CNOT10: variants seen among roughly 807,000 people sequenced by gnomAD.
The protein encoded by CNOT10 is CCR4-NOT transcription complex, subunit 10.
In CNOT10, 30 loss-of-function variants were observed where a neutral mutation model predicts 94.6. The observed-to-expected ratio is 0.32, with a 90% CI of 0.24 to 0.43. The LOEUF (loss-of-function observed/expected upper bound fraction) is 0.43, where lower values mean the gene tolerates loss of function less well. Ranked by LOEUF, CNOT10 falls within the 20% of genes least tolerant of loss-of-function variation. The probability of loss-of-function intolerance (pLI) is 1.00; values close to 1 mark genes in which losing one functional copy is unlikely to be tolerated. For synonymous variants in CNOT10, 289 were observed against 301.6 expected (o/e 0.96, Z 0.43); for missense variants, 759 against 877.2 (o/e 0.87, Z 1.70).
chr3:32,738,092 C>A (rs1699275359), intron 13 of CNOT10, among the ~76,000 whole-genome samples: 1 of 152,156 alleles, frequency 6.6e-6, no homozygotes, highest in Non-Finnish European at 1.5e-5. Context: ...AGAAGTGCTT[C>A]ATCTTCCTCT....
intron 1 of CNOT10, chr3:32,695,919 G>A (rs1289253338): frequency 1.0e-6 from 1 of 985,378 alleles, no homozygotes; most frequent in Non-Finnish European, 1.5e-6. Context: ...CAGAAAACTC[G>A]AGAAATGTAC....
chr3:32,753,156 G>T, intron 13 of CNOT10: 2 of 614,992 alleles, frequency 3.3e-6, no homozygotes, highest in South Asian at 3.0e-5. Context: ...ACTATGTTGA[G>T]AAAAGGAACA....
At position 32,762,638 on chromosome 3, in the gene CNOT10, C is replaced by A. The variant is rs1255417525; in HGVS notation, c.1710-95C>A. 2.2e-5 allele frequency: 28 copies of A among 1,268,270 alleles called. No homozygotes were observed. The East Asian group carries it at 6.8e-4, about 31-fold the overall frequency. 78.6% of individuals were successfully genotyped at this position (1,268,270 alleles called of 1,614,324 possible). Reference sequence around the variant, plus strand: ...GGACATGAAATATGAGACCTATATCCAATGTATAATAACATAATATACCCA... The same window carrying A: ...GGACATGAAATATGAGACCTATATCAAATGTATAATAACATAATATACCCA... On this transcript the variant is annotated intron_variant, in intron 14 of 18. Coordinates refer to ENST00000328834, the MANE Select transcript of CNOT10 (RefSeq NM_015442.3).
intron 1 of CNOT10, among the ~76,000 whole-genome samples, chr3:32,693,677 G>A (rs1696937927): frequency 6.6e-6 from 1 of 151,852 alleles, no homozygotes. Flanking sequence ...AAGTAGCTGG[G>A]ACTATAGGCA....
chr3:32,690,894 T>TA (rs879828452), intron 1 of CNOT10, among the ~76,000 whole-genome samples: 1 of 151,954 alleles, frequency 6.6e-6, no homozygotes, highest in Admixed American at 6.6e-5. Flanking sequence ...TTCAAACACC[T>TA]AAAAAATTTA....
chr3:32,724,814 C>T (rs1341232790), intron 8 of CNOT10, among the ~76,000 whole-genome samples: 1 of 152,198 alleles, frequency 6.6e-6, no homozygotes, highest in Non-Finnish European at 1.5e-5. Context: ...CCGCCTCAGC[C>T]TCCCAAAGTG....
In CNOT10 at chr3:32,733,408, A is replaced by T. The variant is rs762175270; in HGVS notation, c.1216-15A>T. The T allele has an allele frequency of 6.5e-7, 1 of 1,543,672 alleles. No individual in the cohort carries two copies. Among genetic ancestry groups the T allele is most frequent in the Non-Finnish European group, 8.8e-7 (1 of 1,138,096 alleles). On this transcript the variant is annotated splice_polypyrimidine_tract_variant and intron_variant, in intron 10 of 18. Transcript: ENST00000328834. ...AATTCCCTTAAATTTATTGGAAATTATTTGTATTTTGTAGACTTCTGAACA... is the reference window on the plus strand; with the variant it reads ...AATTCCCTTAAATTTATTGGAAATTTTTTGTATTTTGTAGACTTCTGAACA...
intron 2 of CNOT10, among the ~76,000 whole-genome samples, chr3:32,704,470 T>C (rs74638813): frequency 0.039 from 5,983 of 152,236 alleles, 186 homozygotes; most frequent in African/African-American, 0.079. Context: ...AAAATATATT[T>C]ACTAGAAAAT....
At chr3:32,714,644 G>A (rs1210321768) in intron 5 of CNOT10, among the ~76,000 whole-genome samples, 3 of 152,188 alleles carry the variant, frequency 2.0e-5, no homozygotes, top group Non-Finnish European at 4.4e-5. Flanking sequence ...GGGAGGCGGA[G>A]ATTGCAGTGA....
At chr3:32,731,669 G>A (rs1207060396) in intron 10 of CNOT10, among the ~76,000 whole-genome samples, 2 of 152,076 alleles carry the variant, frequency 1.3e-5, no homozygotes, top group African/African-American at 4.8e-5. Flanking sequence ...TAGAGGTGGA[G>A]TTTCACCACA....
chr3:32,687,439 G>GTTTTTTTTTTTTTTTTTTTTTT (rs201119069), intron 1 of CNOT10, among the ~76,000 whole-genome samples: 3 of 51,312 alleles, frequency 5.8e-5, no homozygotes, highest in African/African-American at 7.3e-5. Context: ...AGTCCTCACG[G>GTTTTTTTTTTTTTTTTTTTTTT]TTTTTTTTTT....
rs929547150 is a variant in CNOT10, at chr3:32,685,347, C to A, written c.-114C>A. On this transcript the variant is annotated 5_prime_UTR_variant, in exon 1 of 19. Coordinates refer to ENST00000328834, the MANE Select transcript of CNOT10 (RefSeq NM_015442.3). Reference sequence around the variant, plus strand: ...ACTCCTCTAGCCGGAACCTGGGGGCCCGGAGCCGGGGTAGGCACAGAGTTG... The same window carrying A: ...ACTCCTCTAGCCGGAACCTGGGGGCACGGAGCCGGGGTAGGCACAGAGTTG... 7.7e-7 allele frequency: 1 copy of A among 1,305,222 alleles called. No individual in the cohort carries two copies. The highest frequency in any genetic ancestry group is 2.0e-5 in the Admixed American group (1 of 48,848). The allele number at this position is 1,305,222 out of a possible 1,614,324, so 80.9% of individuals were successfully genotyped here.
At chr3:32,702,361 T>A (rs551561771) in intron 1 of CNOT10, among the ~76,000 whole-genome samples, 1 of 109,468 alleles carries the variant, frequency 9.1e-6, no homozygotes, top group South Asian at 3.6e-4. Context: ...CAGCTGAGAT[T>A]TTTACCTTTA....
chr3:32,701,934 A>AG (rs1390031852), intron 1 of CNOT10, among the ~76,000 whole-genome samples: 1 of 152,018 alleles, frequency 6.6e-6, no homozygotes, highest in Non-Finnish European at 1.5e-5. Flanking sequence ...CTGGGACTAC[A>AG]GGTGCCCGCC....
At chr3:32,733,947 G>T (rs1699067896) in intron 11 of CNOT10, among the ~76,000 whole-genome samples, 1 of 152,148 alleles carries the variant, frequency 6.6e-6, no homozygotes, top group Non-Finnish European at 1.5e-5. Context: ...GAGAAAAAAG[G>T]TGTATTAAAA....
chr3:32,764,285 C>T lies in CNOT10; in HGVS notation c.1841-170C>T, dbSNP rs373733266. On this transcript the variant is annotated intron_variant, in intron 15 of 18. Coordinates refer to ENST00000328834, the MANE Select transcript of CNOT10 (RefSeq NM_015442.3). Reference sequence around the variant, plus strand: ...CCAGGAGGCGGAGGTTGCAGTGAGCCGAGATCATGCCCCTGCACTCCAGCC... The same window carrying T: ...CCAGGAGGCGGAGGTTGCAGTGAGCTGAGATCATGCCCCTGCACTCCAGCC... 21 of 606,704 alleles carry T rather than the reference C, an allele frequency of 3.5e-5. No homozygotes were observed. In the African/African-American group the frequency reaches 3.7e-4, roughly 11 times the overall value. The allele number at this position is 606,704 out of a possible 1,614,324, so 37.6% of individuals were successfully genotyped here.
At chr3:32,743,500 G>A (rs1699563677) in intron 13 of CNOT10, among the ~76,000 whole-genome samples, 1 of 152,018 alleles carries the variant, frequency 6.6e-6, no homozygotes, top group Non-Finnish European at 1.5e-5. Flanking sequence ...TGGGCATGGT[G>A]GCACACACCT....
intron 13 of CNOT10, among the ~76,000 whole-genome samples, chr3:32,748,540 T>C (rs953186033): frequency 1.3e-5 from 2 of 152,128 alleles, no homozygotes; most frequent in Non-Finnish European, 2.9e-5. Context: ...AGAGATGGAG[T>C]CTCACTCTGT....
At position 32,703,896 on chromosome 3, in the gene CNOT10, A is replaced by C; in HGVS notation, c.51A>C (p.Thr17=). 6.2e-7 allele frequency: 1 copy of C among 1,613,588 alleles called. No homozygotes were observed. Among genetic ancestry groups the C allele is most frequent in the Non-Finnish European group, 8.5e-7 (1 of 1,179,556 alleles). ...ADQGAEKHEG[T]GQSSGITDQE... is the part of the protein sequence containing the mutation. Reference sequence around the variant, plus strand: ...AGGGAGCAGAGAAACATGAAGGCACAGGTCAGTCCTCTGGGATCACTGATC... The same window carrying C: ...AGGGAGCAGAGAAACATGAAGGCACCGGTCAGTCCTCTGGGATCACTGATC... The change falls in exon 2 of 19, where the codon ACA becomes ACC. Residue 17 remains threonine (T), a synonymous_variant. Transcript: ENST00000328834.
Sources: allele counts gnomAD v4.1 joint callset (sites outside exome capture counted in the v4.1 genomes callset), GRCh38; gene constraint gnomAD v4.1.1; transcripts MANE v1.5; gene names NCBI Gene and HGNC (gene_info 2026-07-23, HGNC 2026-07-21).